The following FAM149B1 variants were observed in gnomAD, a reference collection of about 807,000 sequenced individuals.
The protein encoded by FAM149B1 is primary cilium assembly protein FAM149B1.
A neutral mutation model predicts 75.3 loss-of-function variants in FAM149B1; 56 were observed. The observed-to-expected ratio is 0.74, with a 90% CI of 0.60 to 0.93. The LOEUF (loss-of-function observed/expected upper bound fraction) is 0.93, where lower values mean the gene tolerates loss of function less well. Among genes scored for constraint, FAM149B1 ranks in the 40% least tolerant of loss-of-function variants. The pLI is 0.00. For missense variants in FAM149B1, 639 were observed against 708.4 expected, an observed-to-expected ratio of 0.90 and a Z score of 1.11; for synonymous variants, 259 against 256.1, an observed-to-expected ratio of 1.01 and a Z score of -0.11.
At chr10:73,225,478 G>A (rs1382288462) in intron 7 of FAM149B1, among the ~76,000 whole-genome samples, 1 of 152,140 alleles carries the variant, frequency 6.6e-6, no homozygotes. Flanking sequence ...AAACCTCATA[G>A]AATAAGGAAA....
chr10:73,170,354 A>G (rs993320765), intron 1 of FAM149B1, among the ~76,000 whole-genome samples: 1 of 152,090 alleles, frequency 6.6e-6, no homozygotes, highest in African/African-American at 2.4e-5. Flanking sequence ...AATGCAAAAA[A>G]TTAGCTGGGC....
rs1282908334 is a variant in FAM149B1 at position 73,228,245 on chromosome 10, CAG to C, written c.1023+64_1023+65del. 7 of 1,459,996 alleles carry C rather than the reference CAG, an allele frequency of 4.8e-6. No individual in the cohort carries two copies. The Admixed American group carries it at 6.1e-5, about 13-fold the overall frequency. 90.4% of individuals were successfully genotyped at this position (1,459,996 alleles called of 1,614,324 possible). A position where few individuals can be genotyped will look rare whatever the true frequency, so the allele number is the denominator to read the frequency against. On this transcript the variant is annotated intron_variant, in intron 8 of 13. Coordinates refer to ENST00000242505, the MANE Select transcript of FAM149B1 (RefSeq NM_173348.2). ...CTACTCTCACCAGAGGAAATTTGCT[CAG>C]AGTTGTTTGCCTTACTTGTATGATT...
At chr10:73,199,198 T>TTGC (rs1217194988) in intron 5 of FAM149B1, among the ~76,000 whole-genome samples, 7 of 4,970 alleles carry the variant, frequency 1.4e-3, no homozygotes, top group East Asian at 0.01. Context: ...TTATCCTTTT[T>TTGC]TGTTGTTGTT....
chr10:73,231,118 A>C (rs1322512309), intron 9 of FAM149B1: 2 of 152,266 alleles, frequency 1.3e-5, no homozygotes, highest in African/African-American at 4.8e-5. Context: ...GATTGTGGAG[A>C]GTTTTGAGTG....
chr10:73,199,265 T>C (rs1423708978), intron 5 of FAM149B1, among the ~76,000 whole-genome samples: 1 of 152,076 alleles, frequency 6.6e-6, no homozygotes, highest in Non-Finnish European at 1.5e-5. Context: ...TCGCCCAGGC[T>C]GGAGTGCAGT....
At chr10:73,198,809 AAAT>A (rs780195465) in intron 5 of FAM149B1, among the ~76,000 whole-genome samples, 42 of 152,168 alleles carry the variant, frequency 2.8e-4, no homozygotes, top group Admixed American at 1.6e-3. Flanking sequence ...CCATCTCAAA[AAAT>A]AATAATAATA....
At chr10:73,186,755 A>T (rs1444905138) in intron 3 of FAM149B1, among the ~76,000 whole-genome samples, 1 of 152,258 alleles carries the variant, frequency 6.6e-6, no homozygotes, top group East Asian at 1.9e-4. Flanking sequence ...CCTTCAAAAC[A>T]TGCTAAGTGA....
chr10:73,184,996 G>A (rs184727291), intron 3 of FAM149B1, among the ~76,000 whole-genome samples: 1 of 152,200 alleles, frequency 6.6e-6, no homozygotes, highest in East Asian at 1.9e-4. Context: ...ATCATTAGTT[G>A]GTTTGATCAA....
chr10:73,224,790 A>C (rs996052667), intron 7 of FAM149B1, among the ~76,000 whole-genome samples: 1 of 152,078 alleles, frequency 6.6e-6, no homozygotes, highest in Non-Finnish European at 1.5e-5. Context: ...ATTTTGAAAA[A>C]CAGGCAGTAG....
intron 7 of FAM149B1, among the ~76,000 whole-genome samples, chr10:73,213,247 T>C (rs949872782): frequency 3.3e-5 from 5 of 152,224 alleles, no homozygotes; most frequent in African/African-American, 1.2e-4. Context: ...GTCAGATGCA[T>C]AGTTTGCAAA....
At chr10:73,183,473 A>G (rs960158733) in intron 3 of FAM149B1, 7 of 152,236 alleles carry the variant, frequency 4.6e-5, no homozygotes, top group Non-Finnish European at 1.0e-4. Context: ...TCTCTCATCC[A>G]TTTGTGGAAG....
At chr10:73,193,695 G>A (rs2042731550) in intron 5 of FAM149B1, 102 bp downstream of exon 5, 2 of 1,160,606 alleles carry the variant, frequency 1.7e-6, no homozygotes, top group African/African-American at 1.5e-5. Flanking sequence ...CTACTTATTA[G>A]TATTTAGTAA....
chr10:73,236,588 A>C (rs2043827441), intron 12 of FAM149B1, among the ~76,000 whole-genome samples: 1 of 150,810 alleles, frequency 6.6e-6, no homozygotes, highest in African/African-American at 2.4e-5. Flanking sequence ...TAATTTTTGT[A>C]ATTTTACTAG....
At chr10:73,203,866 C>T (rs2042992684) in intron 5 of FAM149B1, among the ~76,000 whole-genome samples, 1 of 152,038 alleles carries the variant, frequency 6.6e-6, no homozygotes, top group Admixed American at 6.6e-5. Context: ...GTGTTAAACT[C>T]CTGGGCTCAA....
At chr10:73,168,456 C>T in intron 1 of FAM149B1, 70 bp downstream of exon 1, 1 of 1,512,392 alleles carries the variant, frequency 6.6e-7, no homozygotes, top group South Asian at 1.2e-5. Context: ...CTTGACCAGT[C>T]CTTCGTTCCT....
rs10708168 is a variant in FAM149B1, at chr10:73,169,159, CAAA to C, written c.47+788_47+790del. On this transcript the variant is annotated intron_variant, in intron 1 of 13. Coordinates refer to ENST00000242505, the MANE Select transcript of FAM149B1 (RefSeq NM_173348.2). ...CGAAACCCCATCTCTACTAAAAATG[CAAA>C]AAAAAAAAAAAAAATGGCCGGGCAT... is the stretch of plus-strand genomic sequence containing the variant. 297 of 128,066 alleles carry C rather than the reference CAAA, an allele frequency of 2.3e-3. 3 individuals are homozygous for C. Among genetic ancestry groups the C allele is most frequent in the African/African-American group, 7.3e-3 (264 of 36,006 alleles). 7.9% of individuals were successfully genotyped at this position (128,066 alleles called of 1,614,324 possible).
Position 73,177,984 on chromosome 10 carries a change from T to C in FAM149B1, c.282+9T>C, listed in dbSNP as rs554930708. 28 of 1,545,922 alleles carry C rather than the reference T, an allele frequency of 1.8e-5. No homozygotes were observed. In the African/African-American group the frequency reaches 2.9e-4, roughly 16 times the overall value. On this transcript the variant is annotated intron_variant, in intron 3 of 13. Coordinates refer to ENST00000242505, the MANE Select transcript of FAM149B1 (RefSeq NM_173348.2). ...TCTCCTGGGGATATGGTGTGAGTTA[T>C]ATGTTATCAGTCTGATAGAGTGCTT...
intron 9 of FAM149B1, chr10:73,231,199 TACAC>T (rs1378351843): frequency 2.6e-5 from 4 of 152,200 alleles, no homozygotes; most frequent in African/African-American, 9.7e-5. Flanking sequence ...TCTATTGTAA[TACAC>T]ACAATTTATC....
In FAM149B1 at chr10:73,243,404, T is replaced by G; in HGVS notation, c.*2385T>G. ...CCTTTGAAGAGAAAAATTCCATTATTTCTTTTCTTTCTTGAGAGCAGATTT... is the reference window on the plus strand; with the variant it reads ...CCTTTGAAGAGAAAAATTCCATTATGTCTTTTCTTTCTTGAGAGCAGATTT... On this transcript the variant is annotated 3_prime_UTR_variant, in exon 14 of 14. Coordinates refer to ENST00000242505, the MANE Select transcript of FAM149B1 (RefSeq NM_173348.2). 6.2e-7 allele frequency: 1 copy of G among 1,613,806 alleles called. No homozygotes were observed.
Sources: allele counts gnomAD v4.1 joint callset (sites outside exome capture counted in the v4.1 genomes callset), GRCh38; gene constraint gnomAD v4.1.1; transcripts MANE v1.5; gene names NCBI Gene and HGNC (gene_info 2026-07-23, HGNC 2026-07-21).